AGBL1: variants seen among roughly 807,000 people sequenced by gnomAD.
AGBL1 encodes cytosolic carboxypeptidase 4.
Under a neutral mutation model 118.9 loss-of-function variants are expected in AGBL1, and 130 were observed. The observed-to-expected ratio is 1.09, with a 90% CI of 0.95 to 1.26. The LOEUF (loss-of-function observed/expected upper bound fraction) is 1.26, where lower values mean the gene tolerates loss of function less well. AGBL1 is among the 50% of genes most tolerant of loss of function. AGBL1 has a pLI of 0.00. For synonymous variants in AGBL1, 555 were observed against 478.9 expected, an observed-to-expected ratio of 1.16 and a Z score of -2.08; for missense variants, 1,584 against 1,298.1, an observed-to-expected ratio of 1.22 and a Z score of -3.38.
At chr15:86,444,759 A>G (rs1446577890) in intron 18 of AGBL1, among the ~76,000 whole-genome samples, 1 of 152,088 alleles carries the variant, frequency 6.6e-6, no homozygotes, top group Non-Finnish European at 1.5e-5. Context: ...TTTGCAGTCA[A>G]AAGACCGGCA....
At chr15:86,207,792 A>C (rs554637544) in intron 5 of AGBL1, among the ~76,000 whole-genome samples, 1 of 152,152 alleles carries the variant, frequency 6.6e-6, no homozygotes, top group Non-Finnish European at 1.5e-5. Context: ...TTCCTAATTG[A>C]ATACCCTTTA....
intron 17 of AGBL1, chr15:86,299,916 T>A (rs1173407596): frequency 4.0e-5 from 6 of 151,792 alleles, no homozygotes; most frequent in Non-Finnish European, 8.8e-5. Flanking sequence ...TCTTGGGGGG[T>A]CATTATTTAT....
chr15:86,081,920 A>G (rs937392302), intron 1 of AGBL1, among the ~76,000 whole-genome samples: 3 of 152,224 alleles, frequency 2.0e-5, no homozygotes, highest in Non-Finnish European at 4.4e-5. Context: ...GATGTTTAGC[A>G]TGATCACCCC....
At chr15:86,558,373 C>G (rs1242548271) in intron 21 of AGBL1, among the ~76,000 whole-genome samples, 1 of 152,138 alleles carries the variant, frequency 6.6e-6, no homozygotes, top group Admixed American at 6.5e-5. Flanking sequence ...AAACAAAAGC[C>G]TTATCTCTGC....
chr15:86,555,995 G>C (rs1488676910), intron 21 of AGBL1, among the ~76,000 whole-genome samples: 1 of 152,150 alleles, frequency 6.6e-6, no homozygotes. Flanking sequence ...ATGGGAAGGG[G>C]CTTGTCATTT....
At chr15:86,423,932 A>G (rs1410431446) in intron 18 of AGBL1, among the ~76,000 whole-genome samples, 1 of 152,210 alleles carries the variant, frequency 6.6e-6, no homozygotes, top group African/African-American at 2.4e-5. Flanking sequence ...AGAAAGAACC[A>G]ATATAGAGAA....
At chr15:86,922,047 T>C (rs544959620) in intron 23 of AGBL1, among the ~76,000 whole-genome samples, 1 of 152,274 alleles carries the variant, frequency 6.6e-6, no homozygotes, top group East Asian at 1.9e-4. Context: ...TTTCAGTCTT[T>C]CATTGATTGG....
At chr15:86,902,597 C>T (rs144750944) in intron 22 of AGBL1, among the ~76,000 whole-genome samples, 1,598 of 151,336 alleles carry the variant, frequency 0.011, 10 homozygotes, top group Middle Eastern at 0.042. Flanking sequence ...GATCTGTTAC[C>T]AAAAAATTAT....
At chr15:86,149,984 C>A (rs1057141978) in intron 3 of AGBL1, among the ~76,000 whole-genome samples, 1 of 152,070 alleles carries the variant, frequency 6.6e-6, no homozygotes, top group Admixed American at 6.6e-5. Flanking sequence ...CACTCAAAAC[C>A]GCACAACTAC....
intron 21 of AGBL1, among the ~76,000 whole-genome samples, chr15:86,653,293 A>T (rs2085407833): frequency 6.6e-6 from 1 of 152,042 alleles, no homozygotes; most frequent in Non-Finnish European, 1.5e-5. Flanking sequence ...TAGAGTCCAT[A>T]CACTGTGTCC....
intron 21 of AGBL1, among the ~76,000 whole-genome samples, chr15:86,658,632 C>G (rs1484195297): frequency 6.6e-6 from 1 of 152,212 alleles, no homozygotes; most frequent in Non-Finnish European, 1.5e-5. Flanking sequence ...TGTAGACTGA[C>G]TCTTACTTTG....
At chr15:86,921,857 T>C (rs1394018189) in intron 23 of AGBL1, among the ~76,000 whole-genome samples, 1 of 152,180 alleles carries the variant, frequency 6.6e-6, no homozygotes, top group East Asian at 1.9e-4. Context: ...CGCTCTCCCA[T>C]ATATCCTTCA....
At chr15:86,918,082 T>A (rs868480831), downstream of AGBL1, among the ~76,000 whole-genome samples, 1 of 152,154 alleles carries the variant, frequency 6.6e-6, no homozygotes, top group Admixed American at 6.5e-5. Flanking sequence ...AGCAAGAAAT[T>A]TGCAAAGTTC....
intron 17 of AGBL1, among the ~76,000 whole-genome samples, chr15:86,318,615 G>C (rs958350699): frequency 2.7e-5 from 4 of 150,828 alleles, no homozygotes; most frequent in African/African-American, 7.3e-5. Flanking sequence ...TGCAGCAATA[G>C]AGAATAGAGA....
At chr15:86,901,189 G>T (rs945012998) in intron 22 of AGBL1, among the ~76,000 whole-genome samples, 1 of 152,066 alleles carries the variant, frequency 6.6e-6, no homozygotes, top group Non-Finnish European at 1.5e-5. Flanking sequence ...TTTCAAATAT[G>T]TTGACTAGGT....
intron 17 of AGBL1, among the ~76,000 whole-genome samples, chr15:86,348,153 G>T (rs986450409): frequency 6.6e-6 from 1 of 152,018 alleles, no homozygotes; most frequent in African/African-American, 2.4e-5. Context: ...ATCTTCTTAA[G>T]GAAGGGGAAA....
At chr15:86,800,693 G>A (rs1005474637) in intron 22 of AGBL1, among the ~76,000 whole-genome samples, 7 of 152,148 alleles carry the variant, frequency 4.6e-5, no homozygotes, top group South Asian at 2.1e-4. Context: ...ATGCTAGCAA[G>A]CAACCACCAC....
At chr15:86,884,210 C>G (rs1048070004) in intron 22 of AGBL1, among the ~76,000 whole-genome samples, 1 of 152,154 alleles carries the variant, frequency 6.6e-6, no homozygotes, top group Non-Finnish European at 1.5e-5. Flanking sequence ...ATAAGTACTT[C>G]AACATAATGA....
intron 8 of AGBL1, among the ~76,000 whole-genome samples, chr15:86,257,327 C>T (rs2078912571): frequency 6.6e-6 from 1 of 152,076 alleles, no homozygotes; most frequent in East Asian, 1.9e-4. Context: ...ATCCCATGAT[C>T]GAATCTCTGC....
Sources: gnomAD v4.1 joint callset for allele counts (sites outside exome capture counted in the v4.1 genomes callset) on GRCh38, gnomAD v4.1.1 for gene constraint, MANE v1.5 for transcripts, NCBI Gene and HGNC (gene_info 2026-07-23, HGNC 2026-07-21) for gene names.